OSR2: variants seen among roughly 807,000 people sequenced by gnomAD.
OSR2 encodes the protein protein odd-skipped-related 2.
OSR2 carries 8 observed loss-of-function variants against 22.3 expected under a neutral mutation model. The observed-to-expected ratio is 0.36, with a 90% confidence interval of 0.21 to 0.65. The LOEUF (loss-of-function observed/expected upper bound fraction) is 0.65. Ranked by LOEUF, OSR2 falls within the 30% of genes least tolerant of loss-of-function variation. The probability of loss-of-function intolerance (pLI) is 0.66; values close to 1 mark genes in which losing one functional copy is unlikely to be tolerated. For synonymous variants in OSR2, 179 were observed against 173.8 expected, an observed-to-expected ratio of 1.03 and a Z score of -0.23; for missense variants, 311 against 413.4, an observed-to-expected ratio of 0.75 and a Z score of 2.15.
chr8:98,949,441 G>T lies in OSR2; in HGVS notation c.489G>T (p.Arg163Ser). 3 of 1,614,052 alleles carry T rather than the reference G, an allele frequency of 1.9e-6. No homozygotes were observed. The highest frequency in any genetic ancestry group is 2.5e-6 in the Non-Finnish European group (3 of 1,179,894). The change falls in exon 2 of 4, where the codon AGG becomes AGT. Residue 163 changes from arginine to serine, a missense_variant. Physicochemically the swap from Arg to Ser is moderately radical, Grantham distance 110 (BLOSUM62 -1). Coordinates refer to ENST00000297565, the MANE Select transcript of OSR2 (RefSeq NM_001142462.3). The surrounding 1 kb of genome is among the most constrained non-coding windows in gnomAD (Gnocchi z 5.9). ...CGGACAGAAAGCCCTCTCGAGGAAG[G>T]TTGCCCTCCAAAACGAAAAAAGAGT... ...LTPDRKPSRG[R>S]LPSKTKKEFI...
chr8:98,945,023 C>A (rs1432042072), intron 1 of OSR2, among the ~76,000 whole-genome samples, 200 bp downstream of exon 1: 1 of 152,252 alleles, frequency 6.6e-6, no homozygotes, highest in Non-Finnish European at 1.5e-5. Flanking sequence ...CCCAACCACA[C>A]ACATTTCTAC....
Position 98,944,566 on chromosome 8 carries a change from A to G in OSR2, c.-372A>G, listed in dbSNP as rs1320749327. The G allele has an allele frequency of 6.6e-6, 1 of 152,214 alleles. No individual in the cohort carries two copies. The highest frequency in any genetic ancestry group is 6.5e-5 in the Admixed American group (1 of 15,290). The allele number at this position is 152,214 out of a possible 1,614,324, so 9.4% of individuals were successfully genotyped here. A position where few individuals can be genotyped will look rare whatever the true frequency, so the allele number is the denominator to read the frequency against. The stretch of plus-strand genomic sequence containing the variant: ...ACAGCGAGAGGTTCGCCGAAGAGCG[A>G]GGTTCTGGGCGAGCGCTGAACGCCG... On this transcript the variant is annotated 5_prime_UTR_variant, in exon 1 of 4. Transcript: ENST00000297565.
At chr8:98,947,835 C>G (rs1302403191) in intron 1 of OSR2, among the ~76,000 whole-genome samples, 3 of 152,176 alleles carry the variant, frequency 2.0e-5, no homozygotes, top group Middle Eastern at 3.2e-3. Flanking sequence ...CTCTCCCTCC[C>G]CGGAGCGCTC....
Position 98,949,009 on chromosome 8 carries a change from C to T in OSR2, c.57C>T (p.Thr19=), listed in dbSNP as rs767376261. ...PIPLHPSLQL[T]NYSFLQAVNT... is the part of the protein sequence containing the mutation. ...CGCTCCACCCGTCGCTGCAGCTCAC[C>T]AATTACTCCTTCCTGCAGGCCGTGA... The change falls in exon 2 of 4, where the codon ACC becomes ACT. Residue 19 remains threonine (T), a synonymous_variant. Transcript: ENST00000297565. The surrounding 1 kb of genome is among the most constrained non-coding windows in gnomAD (Gnocchi z 5.9). The T allele has an allele frequency of 1.9e-6, 3 of 1,613,896 alleles. No individual in the cohort carries two copies. The highest frequency in any genetic ancestry group is 1.3e-5 in the African/African-American group (1 of 74,946).
chr8:98,950,940 T>C, intron 3 of OSR2, 185 bp downstream of exon 3: 1 of 622,100 alleles, frequency 1.6e-6, no homozygotes, highest in East Asian at 2.8e-5. Context: ...TAAAGCATTT[T>C]TATATTTTTC....
chr8:98,947,304 G>A (rs1840635556), intron 1 of OSR2, among the ~76,000 whole-genome samples: 1 of 151,982 alleles, frequency 6.6e-6, no homozygotes, highest in Non-Finnish European at 1.5e-5. Flanking sequence ...TGCCTTGCCA[G>A]AGCGCTCTGT....
At chr8:98,950,525 A>T (rs1032452028) in intron 2 of OSR2, 131 bp from the exon 3 acceptor site, 1 of 649,568 alleles carries the variant, frequency 1.5e-6, no homozygotes. Flanking sequence ...ACAGGAAAAA[A>T]AAAAATCTAA....
At position 98,948,348 on chromosome 8, in the gene OSR2, G is replaced by T; in HGVS notation, c.-114-491G>T. The T allele has an allele frequency of 6.6e-7, 1 of 1,521,060 alleles. No individual in the cohort carries two copies. The highest frequency in any genetic ancestry group is 8.8e-7 in the Non-Finnish European group (1 of 1,137,988). The allele number at this position is 1,521,060 out of a possible 1,614,324, so 94.2% of individuals were successfully genotyped here. On this transcript the variant is annotated intron_variant, in intron 1 of 3. Transcript: ENST00000297565. The surrounding 1 kb of genome is among the most constrained non-coding windows in gnomAD (Gnocchi z 6.0). ...GGCGGCCACAGGGCGCGGCGGCAGC[G>T]CAGCGCGTGGGATCTCACGACCCAT...
chr8:98,945,967 AT>A (rs1840601928), intron 1 of OSR2: 1 of 152,234 alleles, frequency 6.6e-6, no homozygotes, highest in Non-Finnish European at 1.5e-5. Context: ...TAATATTACC[AT>A]TACCAAAGAG....
rs1840796051 is a variant in OSR2, at chr8:98,951,909, A to G, written c.*208A>G. On this transcript the variant is annotated 3_prime_UTR_variant, in exon 4 of 4. Transcript: ENST00000297565. ...CACACTACTACATCCCTTCACAAAG[A>G]GTATATGCTAGTTTCTTGTAGATAT... 1.9e-6 allele frequency: 1 copy of G among 526,214 alleles called. No homozygotes were observed. Among genetic ancestry groups the G allele is most frequent in the Non-Finnish European group, 3.4e-6 (1 of 295,396 alleles). 32.6% of individuals were successfully genotyped at this position (526,214 alleles called of 1,614,324 possible). A position where few individuals can be genotyped will look rare whatever the true frequency, so the allele number is the denominator to read the frequency against.
Position 98,948,563 on chromosome 8 carries a change from T to C in OSR2, c.-114-276T>C. The C allele has an allele frequency of 8.4e-7, 1 of 1,188,962 alleles. No homozygotes were observed. The highest frequency in any genetic ancestry group is 1.1e-6 in the Non-Finnish European group (1 of 880,758). The allele number at this position is 1,188,962 out of a possible 1,614,324, so 73.7% of individuals were successfully genotyped here. A position where few individuals can be genotyped will look rare whatever the true frequency, so the allele number is the denominator to read the frequency against. On this transcript the variant is annotated intron_variant, in intron 1 of 3. Coordinates refer to ENST00000297565, the MANE Select transcript of OSR2 (RefSeq NM_001142462.3). The surrounding 1 kb of genome is among the most constrained non-coding windows in gnomAD (Gnocchi z 6.0). Reference sequence around the variant, plus strand: ...TTCGTTTTCCTGGGACCGAGGAGTCTTCCGCTCCGTATCTGCCTAGAGTCT... The same window carrying C: ...TTCGTTTTCCTGGGACCGAGGAGTCCTCCGCTCCGTATCTGCCTAGAGTCT...
Position 98,951,994 on chromosome 8 carries a change from T to G in OSR2, c.*293T>G, listed in dbSNP as rs141853119. On this transcript the variant is annotated 3_prime_UTR_variant, in exon 4 of 4. Transcript: ENST00000297565. ...GTGGGTCTTTGTTTTGTTGTTTTGT[T>G]TGCTTTGGGATCTTGTTGGATGCAC... 1,545 of 283,626 alleles carry G rather than the reference T, an allele frequency of 5.4e-3. 2 individuals are homozygous for G. The highest frequency in any genetic ancestry group is 7.4e-3 in the Non-Finnish European group (1,127 of 152,654). 17.6% of individuals were successfully genotyped at this position (283,626 alleles called of 1,614,324 possible).
At position 98,951,685 on chromosome 8, in the gene OSR2, C is replaced by T. The variant is rs1315140862; in HGVS notation, c.923C>T (p.Pro308Leu). ...DLRRHSLTHT[P>L]RQDF ...CGGCGGCACAGCCTGACTCACACCCCGCGGCAGGACTTCTAGAGAAGCCCA... is the reference window on the plus strand; with the variant it reads ...CGGCGGCACAGCCTGACTCACACCCTGCGGCAGGACTTCTAGAGAAGCCCA... Residue 308 changes from proline to leucine, a missense_variant, in exon 4 of 4, where the codon CCG (proline) becomes CTG (leucine). Pro to Leu is a moderately conservative substitution (Grantham distance 98). This residue lies in a region of OSR2 where 70 missense variants were observed against 84.5 expected (regional missense o/e 0.83). Coordinates refer to ENST00000297565, the MANE Select transcript of OSR2 (RefSeq NM_001142462.3). 1 of 1,613,090 alleles carries T rather than the reference C, an allele frequency of 6.2e-7. No homozygotes were observed. Among genetic ancestry groups the T allele is most frequent in the Non-Finnish European group, 8.5e-7 (1 of 1,179,678 alleles).
Position 98,948,989 on chromosome 8 carries a change from C to T in OSR2, c.37C>T (p.His13Tyr). Residue 13 changes from histidine to tyrosine, a missense_variant, in exon 2 of 4, where the codon CAC becomes TAC. Physicochemically the swap from His to Tyr is moderately conservative, Grantham distance 83. Around this residue, in one of 5 missense-constraint regions of OSR2, gnomAD observed 146 missense variants for 160.5 expected, o/e 0.91. Coordinates refer to ENST00000297565, the MANE Select transcript of OSR2 (RefSeq NM_001142462.3). This position sits in a 1 kb window ranked among gnomAD's most constrained non-coding sequence, Gnocchi z 6.0. ...SKALPAPIPLHPSLQLTNYSF... is the reference protein window; with the variant it reads ...SKALPAPIPLYPSLQLTNYSF... ...GGCTCTGCCAGCGCCCATCCCGCTCCACCCGTCGCTGCAGCTCACCAATTA... is the reference window on the plus strand; with the variant it reads ...GGCTCTGCCAGCGCCCATCCCGCTCTACCCGTCGCTGCAGCTCACCAATTA... 1.2e-6 allele frequency: 2 copies of T among 1,614,012 alleles called. No homozygotes were observed. The highest frequency in any genetic ancestry group is 1.3e-5 in the African/African-American group (1 of 75,080).
At position 98,951,916 on chromosome 8, in the gene OSR2, G is replaced by A. The variant is rs1336082361; in HGVS notation, c.*215G>A. ...CTACATCCCTTCACAAAGAGTATAT[G>A]CTAGTTTCTTGTAGATATTCACAGC... On this transcript the variant is annotated 3_prime_UTR_variant, in exon 4 of 4. Coordinates refer to ENST00000297565, the MANE Select transcript of OSR2 (RefSeq NM_001142462.3). 4 of 516,374 alleles carry A rather than the reference G, an allele frequency of 7.7e-6. No homozygotes were observed. Among genetic ancestry groups the A allele is most frequent in the African/African-American group, 7.5e-5 (4 of 53,084 alleles). 32.0% of individuals were successfully genotyped at this position (516,374 alleles called of 1,614,324 possible).
intron 2 of OSR2, 145 bp from the exon 3 acceptor site, chr8:98,950,511 T>G: frequency 1.6e-6 from 1 of 621,714 alleles, no homozygotes; most frequent in Non-Finnish European, 2.8e-6. Flanking sequence ...ATAAAGAGAA[T>G]TACACAGGAA....
intron 2 of OSR2, among the ~76,000 whole-genome samples, chr8:98,950,395 C>G (rs1840745732): frequency 6.6e-6 from 1 of 152,028 alleles, no homozygotes; most frequent in Non-Finnish European, 1.5e-5. Flanking sequence ...AAGAAAGGCC[C>G]GTTCAGCGGG....
At chr8:98,947,189 T>C (rs1352894158) in intron 1 of OSR2, among the ~76,000 whole-genome samples, 1 of 151,550 alleles carries the variant, frequency 6.6e-6, no homozygotes, top group Non-Finnish European at 1.5e-5. Flanking sequence ...ACTCTTAGCC[T>C]GAACTCCCAG....
At chr8:98,945,574 G>C (rs1012556023) in intron 1 of OSR2, among the ~76,000 whole-genome samples, 1 of 152,184 alleles carries the variant, frequency 6.6e-6, no homozygotes, top group Non-Finnish European at 1.5e-5. Context: ...GCAGTCCTGG[G>C]CAGAACAAGA....
Sources: allele counts gnomAD v4.1 joint callset (sites outside exome capture counted in the v4.1 genomes callset), GRCh38; gene constraint gnomAD v4.1.1; regional missense constraint gnomAD v4.1.1; non-coding constraint Gnocchi (gnomAD v3.1); transcripts MANE v1.5; gene names NCBI Gene and HGNC (gene_info 2026-07-23, HGNC 2026-07-21).